Variants in AHDC1 observed in about 807,000 individuals in gnomAD.
The protein encoded by AHDC1 is AT-hook DNA binding motif containing 1.
AHDC1 carries 7 observed loss-of-function variants against 87.9 expected under a neutral mutation model. That is an observed-to-expected ratio of 0.08 (90% CI 0.05 to 0.15). AHDC1 has a LOEUF of 0.15. Ranked by LOEUF, AHDC1 falls within the 10% of genes least tolerant of loss-of-function variation. The probability of loss-of-function intolerance (pLI) is 1.00; values close to 1 mark genes in which losing one functional copy is unlikely to be tolerated. For synonymous variants in AHDC1, 1,051 were observed against 1,006.8 expected (o/e 1.04, Z -0.83); for missense variants, 1,841 against 2,253.2 (o/e 0.82, Z 3.70).
At chr1:27,554,552 C>G (rs1169187085) in intron 5 of AHDC1, among the ~76,000 whole-genome samples, 2 of 152,204 alleles carry the variant, frequency 1.3e-5, no homozygotes, top group East Asian at 3.8e-4. Flanking sequence ...CCAGGCATGT[C>G]TGACTCCCAA....
chr1:27,573,645 C>T lies in AHDC1; in HGVS notation c.-628-14762G>A, dbSNP rs146806438. Among the ~76,000 whole-genome samples, 1,186 of 152,248 alleles carry T rather than the reference C, an allele frequency of 7.8e-3. 7 individuals carry two copies. Among genetic ancestry groups the T allele is most frequent in the Middle Eastern group, 0.034 (10 of 294 alleles). Reference sequence around the variant, plus strand: ...ATTCCTGCTCCACTTCCTATCCCAGCGCCCCAGAGAGCTGTCTCCCCAAAC... The same window carrying T: ...ATTCCTGCTCCACTTCCTATCCCAGTGCCCCAGAGAGCTGTCTCCCCAAAC... On this transcript the variant is annotated intron_variant, in intron 3 of 8. Transcript: ENST00000673934.
intron 5 of AHDC1, among the ~76,000 whole-genome samples, chr1:27,556,394 T>C (rs1381034827): frequency 6.6e-6 from 1 of 151,888 alleles, no homozygotes; most frequent in Non-Finnish European, 1.5e-5. Context: ...AAACACTGCA[T>C]CAAAGGGGCC....
chr1:27,579,246 G>A (rs897388831), intron 3 of AHDC1, among the ~76,000 whole-genome samples: 1 of 152,068 alleles, frequency 6.6e-6, no homozygotes, highest in Non-Finnish European at 1.5e-5. Flanking sequence ...ACGTTGCCCA[G>A]GCTGGTGTTC....
Position 27,547,430 on chromosome 1 carries a change from G to T in AHDC1, c.4686C>A (p.Thr1562=), listed in dbSNP as rs750016023. 6.3e-7 allele frequency: 1 copy of T among 1,584,936 alleles called. No individual in the cohort carries two copies. Among genetic ancestry groups the T allele is most frequent in the Non-Finnish European group, 8.6e-7 (1 of 1,160,586 alleles). The change falls in exon 8 of 9, where the codon ACC becomes ACA. Residue 1562 remains threonine, a synonymous_variant. Transcript: ENST00000673934. This position sits in a 1 kb window ranked among gnomAD's most constrained non-coding sequence, Gnocchi z 4.9. ...PRDSLLPLQD[T]AYRYPGFMPQ... is the part of the protein sequence containing the mutation. ...GCATAAAGCCTGGGTACCTGTAGGC[G>T]GTGTCCTGCAGGGGCAGCAGCGAGT...
intron 3 of AHDC1, among the ~76,000 whole-genome samples, chr1:27,585,998 C>T (rs993365247): frequency 6.6e-6 from 1 of 152,206 alleles, no homozygotes; most frequent in African/African-American, 2.4e-5. Flanking sequence ...GATACTAAGA[C>T]ATGCTGGTGT....
In AHDC1 at chr1:27,590,001, CA is replaced by C. The variant is rs2089179077; in HGVS notation, c.-629+13395del. ...CTGTGGGCTGGGCAGGGCTCCAGGA[CA>C]TGTGACTGGGCCTTAGAGGCCTGTC... On this transcript the variant is annotated intron_variant, in intron 3 of 8. Transcript: ENST00000673934. This position sits in a 1 kb window ranked among gnomAD's most constrained non-coding sequence, Gnocchi z 5.4. Among the ~76,000 whole-genome samples, 1 of 152,124 alleles carries C rather than the reference CA, an allele frequency of 6.6e-6. No homozygotes were observed. Among genetic ancestry groups the C allele is most frequent in the Non-Finnish European group, 1.5e-5 (1 of 67,990 alleles).
intron 3 of AHDC1, among the ~76,000 whole-genome samples, chr1:27,599,856 G>T (rs1419018453): frequency 1.3e-5 from 2 of 151,754 alleles, no homozygotes; most frequent in Non-Finnish European, 2.9e-5. Context: ...GAAAACCCTG[G>T]AATCTGTCTC....
At position 27,551,366 on chromosome 1, in the gene AHDC1, G is replaced by A. The variant is rs746717563; in HGVS notation, c.750C>T (p.Ser250=). ...GCAGCTGGGCCTCTGGGCAAGTGAG[G>A]GAGGCCAGCTCACTAAGGATGTCGG... ...ADADILSELA[S]LTCPEAQLLE... The change falls in exon 8 of 9, where the codon TCC becomes TCT. Residue 250 remains serine, a synonymous_variant. Coordinates refer to ENST00000673934, the MANE Select transcript of AHDC1 (RefSeq NM_001371928.1). 1.1e-5 allele frequency: 17 copies of A among 1,613,584 alleles called. No homozygotes were observed. In the African/African-American group the frequency reaches 2.1e-4, roughly 20 times the overall value.
intron 8 of AHDC1, among the ~76,000 whole-genome samples, chr1:27,537,350 A>G (rs1418634218): frequency 6.6e-5 from 10 of 152,160 alleles, no homozygotes; most frequent in Admixed American, 6.5e-4. Context: ...ACCCCAAACC[A>G]GGGTAATTAC....
chr1:27,548,838 T>C lies in AHDC1; in HGVS notation c.3278A>G (p.Gln1093Arg). 1.2e-6 allele frequency: 2 copies of C among 1,612,724 alleles called. No individual in the cohort carries two copies. The highest frequency in any genetic ancestry group is 1.7e-6 in the Non-Finnish European group (2 of 1,179,812). ...CTGCCGACAGTTCTCGGGCGAGGGC[T>C]GGAAGGAGGAGGAGGAGGAGGAGGC... is the stretch of plus-strand genomic sequence containing the variant. ...SAASSSSSSF[Q>R]PSPENCRQFA... Residue 1093 changes from glutamine to arginine, a missense_variant, in exon 8 of 9, where the codon CAG (glutamine) becomes CGG (arginine). This residue lies in a region of AHDC1 where 378 missense variants were observed against 399.0 expected (regional missense o/e 0.95). Transcript: ENST00000673934.
At position 27,603,762 on chromosome 1, in the gene AHDC1, TCCTCCTCCTCCGC is replaced by T. The variant is rs2089609099; in HGVS notation, c.-774_-762del. The T allele has an allele frequency of 7.4e-6, 1 of 134,868 alleles. No individual in the cohort carries two copies. Among genetic ancestry groups the T allele is most frequent in the African/African-American group, 2.8e-5 (1 of 36,040 alleles). The allele number at this position is 134,868 out of a possible 1,614,324, so 8.4% of individuals were successfully genotyped here. A position where few individuals can be genotyped will look rare whatever the true frequency, so the allele number is the denominator to read the frequency against. On this transcript the variant is annotated 5_prime_UTR_variant, in exon 2 of 9. Coordinates refer to ENST00000673934, the MANE Select transcript of AHDC1 (RefSeq NM_001371928.1). The stretch of plus-strand genomic sequence containing the variant: ...AACGCGCCCCGCGTAGTCCTCCTGC[TCCTCCTCCTCCGC>T]CCTCCTCCCTCCCGCTCTCTCTGGC...
intron 3 of AHDC1, among the ~76,000 whole-genome samples, chr1:27,564,415 C>T (rs742465): frequency 0.011 from 1,720 of 152,380 alleles, 28 homozygotes; most frequent in African/African-American, 0.036. Context: ...TGCTTCCTCA[C>T]AAGGAACCTC....
intron 3 of AHDC1, among the ~76,000 whole-genome samples, chr1:27,570,973 A>AC (rs754176082): frequency 4.0e-5 from 6 of 150,640 alleles, no homozygotes; most frequent in Non-Finnish European, 7.4e-5. Flanking sequence ...AAGGTGACAG[A>AC]CCCCCCCACT....
chr1:27,540,225 C>A (rs566005692), intron 8 of AHDC1, among the ~76,000 whole-genome samples: 1 of 152,108 alleles, frequency 6.6e-6, no homozygotes, highest in East Asian at 1.9e-4. Flanking sequence ...GAGAGGTCCA[C>A]AGGCCCAGTG....
Position 27,548,839 on chromosome 1 carries a change from G to GGAAGGAGGA in AHDC1, c.3268_3276dup (p.Ser1090_Phe1092dup). 1.2e-6 allele frequency: 2 copies of GGAAGGAGGA among 1,613,030 alleles called. No homozygotes were observed. Among genetic ancestry groups the GGAAGGAGGA allele is most frequent in the Non-Finnish European group, 1.7e-6 (2 of 1,179,944 alleles). ...TGCCGACAGTTCTCGGGCGAGGGCT[G>GGAAGGAGGA]GAAGGAGGAGGAGGAGGAGGAGGCG... On this transcript the variant is annotated inframe_insertion, in exon 8 of 9. Coordinates refer to ENST00000673934, the MANE Select transcript of AHDC1 (RefSeq NM_001371928.1).
rs957159355 is a variant in AHDC1, at chr1:27,534,635, G to GCTCGCTCT, written c.*317_*324dup. On this transcript the variant is annotated 3_prime_UTR_variant, in exon 9 of 9. Transcript: ENST00000673934. ...GCCCCGCTCGCAACCTCTTGCACAC[G>GCTCGCTCT]CTCGCTCTCTCGCTCTCTCTCTCTC... 5 of 151,632 alleles carry GCTCGCTCT rather than the reference G, an allele frequency of 3.3e-5. No homozygotes were observed. Among genetic ancestry groups the GCTCGCTCT allele is most frequent in the South Asian group, 2.1e-4 (1 of 4,756 alleles). 9.4% of individuals were successfully genotyped at this position (151,632 alleles called of 1,614,324 possible).
rs1291894418 is a variant in AHDC1, at chr1:27,534,248, G to GTTTTT, written c.*707_*711dup. The stretch of plus-strand genomic sequence containing the variant: ...CCCCCTTTCACAAGACACAAGGTTG[G>GTTTTT]TTTTTTTTTTTTGTTTTTTTTTTGT... On this transcript the variant is annotated 3_prime_UTR_variant, in exon 9 of 9. Coordinates refer to ENST00000673934, the MANE Select transcript of AHDC1 (RefSeq NM_001371928.1). 8.8e-6 allele frequency: 1 copy of GTTTTT among 113,656 alleles called. No homozygotes were observed. The highest frequency in any genetic ancestry group is 3.3e-5 in the African/African-American group (1 of 30,424). The allele number at this position is 113,656 out of a possible 1,614,324, so 7.0% of individuals were successfully genotyped here.
chr1:27,575,423 G>A (rs2088692293), intron 3 of AHDC1, among the ~76,000 whole-genome samples: 1 of 152,096 alleles, frequency 6.6e-6, no homozygotes. Context: ...GGCGAGGGGT[G>A]CTCTCTCCAC....
intron 3 of AHDC1, among the ~76,000 whole-genome samples, chr1:27,566,403 A>C (rs549771017): frequency 6.6e-6 from 1 of 151,992 alleles, no homozygotes; most frequent in Admixed American, 6.6e-5. Context: ...AGAAAAAGAC[A>C]AAAGAGAGAG....
Sources: allele counts gnomAD v4.1 joint callset (sites outside exome capture counted in the v4.1 genomes callset), GRCh38; gene constraint gnomAD v4.1.1; regional missense constraint gnomAD v4.1.1; non-coding constraint Gnocchi (gnomAD v3.1); transcripts MANE v1.5; gene names NCBI Gene and HGNC (gene_info 2026-07-23, HGNC 2026-07-21).